CSMD1: variants seen among roughly 807,000 people sequenced by gnomAD.
CSMD1 encodes CUB and sushi domain-containing protein 1.
Under a neutral mutation model 417.5 loss-of-function variants are expected in CSMD1, and 213 were observed. The observed-to-expected ratio is 0.51, with a 90% confidence interval of 0.46 to 0.57. The LOEUF is 0.57. Among genes scored for constraint, CSMD1 ranks in the 20% least tolerant of loss-of-function variants. CSMD1 has a pLI of 0.00. For synonymous variants in CSMD1, 2,862 were observed against 1,736.8 expected (o/e 1.65, Z -16.11); for missense variants, 6,923 against 4,529.7 (o/e 1.53, Z -15.17).
chr8:3,256,521 G>C (rs892563940), intron 26 of CSMD1, among the ~76,000 whole-genome samples: 3 of 152,076 alleles, frequency 2.0e-5, no homozygotes. Flanking sequence ...TCTCCTTTAG[G>C]ATTTATTGCA....
intron 3 of CSMD1, among the ~76,000 whole-genome samples, chr8:4,208,161 A>T (rs1294828248): frequency 6.6e-6 from 1 of 152,172 alleles, no homozygotes; most frequent in Non-Finnish European, 1.5e-5. Flanking sequence ...CATATTGTGG[A>T]GGCTAAGGTG....
intron 10 of CSMD1, among the ~76,000 whole-genome samples, chr8:3,557,780 G>T (rs188647420): frequency 4.6e-5 from 7 of 152,250 alleles, no homozygotes; most frequent in Non-Finnish European, 8.8e-5. Flanking sequence ...GGTTTGCCTA[G>T]GACAGATAGA....
At chr8:3,003,544 G>A (rs995684138) in intron 52 of CSMD1, among the ~76,000 whole-genome samples, 1 of 152,152 alleles carries the variant, frequency 6.6e-6, no homozygotes, top group Non-Finnish European at 1.5e-5. Flanking sequence ...TGTCTCCTAT[G>A]TCACCTTCAT....
chr8:3,198,860 A>G (rs1796840418), intron 33 of CSMD1, among the ~76,000 whole-genome samples: 1 of 152,240 alleles, frequency 6.6e-6, no homozygotes, highest in Non-Finnish European at 1.5e-5. Flanking sequence ...TCTGAAGAAA[A>G]TACTTAACAG....
chr8:2,956,691 C>T (rs913895810), intron 63 of CSMD1, among the ~76,000 whole-genome samples: 4 of 152,096 alleles, frequency 2.6e-5, no homozygotes, highest in African/African-American at 9.6e-5. Flanking sequence ...CTCCTGACCT[C>T]GTGATCCACC....
chr8:4,292,096 A>C (rs564480031), intron 3 of CSMD1, among the ~76,000 whole-genome samples: 2 of 152,284 alleles, frequency 1.3e-5, no homozygotes, highest in South Asian at 4.1e-4. Flanking sequence ...TATACCAGGG[A>C]ACAGGAACAA....
At chr8:4,129,220 T>A (rs560565998) in intron 3 of CSMD1, among the ~76,000 whole-genome samples, 1 of 152,314 alleles carries the variant, frequency 6.6e-6, no homozygotes, top group South Asian at 2.1e-4. Flanking sequence ...ATTCAGCAGA[T>A]TCCTATCAAT....
At chr8:4,129,763 A>T (rs1802985098) in intron 3 of CSMD1, among the ~76,000 whole-genome samples, 1 of 151,970 alleles carries the variant, frequency 6.6e-6, no homozygotes. Flanking sequence ...CATCCTGGAA[A>T]ATTTCTTCAA....
chr8:4,354,402 T>TC (rs1801278250), intron 3 of CSMD1, among the ~76,000 whole-genome samples: 1 of 152,122 alleles, frequency 6.6e-6, no homozygotes, highest in South Asian at 2.1e-4. Flanking sequence ...AATACACCGT[T>TC]CCCCAACAGA....
chr8:3,547,086 C>CA (rs781112620), intron 10 of CSMD1, among the ~76,000 whole-genome samples: 44 of 152,256 alleles, frequency 2.9e-4, no homozygotes, highest in Admixed American at 1.3e-3. Flanking sequence ...ACAGCAGGAC[C>CA]AATAACGTGG....
intron 10 of CSMD1, among the ~76,000 whole-genome samples, chr8:3,504,927 C>T (rs531485240): frequency 2.0e-4 from 30 of 151,736 alleles, no homozygotes; most frequent in Non-Finnish European, 2.9e-5. Context: ...GTGAAATGGG[C>T]AGAGATAGAA....
chr8:4,894,533 C>G (rs929417865), intron 1 of CSMD1, among the ~76,000 whole-genome samples: 1 of 139,006 alleles, frequency 7.2e-6, no homozygotes, highest in Non-Finnish European at 1.5e-5. Context: ...AGCCTGGGGA[C>G]AACAGCGAGA....
chr8:4,615,530 G>C lies in CSMD1; in HGVS notation c.302+21812C>G, dbSNP rs1013723583. On this transcript the variant is annotated intron_variant, in intron 2 of 69. Coordinates refer to ENST00000635120, the MANE Select transcript of CSMD1 (RefSeq NM_033225.6). ...CTAATTTTAAAGTAGGAAAAATATTGCATATTTAGCAAATGTGTGAGGGCC... is the reference window on the plus strand; with the variant it reads ...CTAATTTTAAAGTAGGAAAAATATTCCATATTTAGCAAATGTGTGAGGGCC... 2.0e-5 allele frequency among the ~76,000 whole-genome samples: 3 copies of C among 152,084 alleles called. 1 individual carries two copies. Among genetic ancestry groups the C allele is most frequent in the Non-Finnish European group, 4.4e-5 (3 of 68,030 alleles).
At position 3,619,011 on chromosome 8, in the gene CSMD1, T is replaced by C. The variant is rs1042193722; in HGVS notation, c.1010-2214A>G. On this transcript the variant is annotated intron_variant, in intron 7 of 69. Transcript: ENST00000635120. ...AATTGGGATCTCTGGCTAGCAGCCA[T>C]GAAAGGCTGTGACAAGCACTGCTGT... Among the ~76,000 whole-genome samples, 5 of 152,194 alleles carry C rather than the reference T, an allele frequency of 3.3e-5. No individual in the cohort carries two copies. In the South Asian group the frequency reaches 8.3e-4, roughly 25 times the overall value.
intron 10 of CSMD1, among the ~76,000 whole-genome samples, chr8:3,508,409 T>A (rs1049216086): frequency 3.3e-5 from 5 of 151,618 alleles, no homozygotes; most frequent in African/African-American, 1.2e-4. Context: ...CTAATGTAAG[T>A]GACGAGTTAA....
chr8:3,278,956 T>C (rs908794589), intron 26 of CSMD1: 2 of 152,222 alleles, frequency 1.3e-5, no homozygotes, highest in East Asian at 1.9e-4. Flanking sequence ...TGAGGGGTTA[T>C]AGGAACCTTC....
chr8:4,438,048 A>G (rs906135466), intron 2 of CSMD1, among the ~76,000 whole-genome samples: 1 of 152,178 alleles, frequency 6.6e-6, no homozygotes, highest in African/African-American at 2.4e-5. Flanking sequence ...CCTCTTAGCT[A>G]TGAAGGAACA....
intron 20 of CSMD1, among the ~76,000 whole-genome samples, chr8:3,362,690 T>G (rs1809275837): frequency 6.6e-6 from 1 of 152,200 alleles, no homozygotes; most frequent in Non-Finnish European, 1.5e-5. Context: ...AGGTCTGTAT[T>G]TTCTTCCCAA....
chr8:4,963,749 G>A (rs1054599144), intron 1 of CSMD1, among the ~76,000 whole-genome samples: 6 of 152,022 alleles, frequency 3.9e-5, no homozygotes, highest in East Asian at 1.9e-4. Flanking sequence ...AGTTTTCTTG[G>A]TCACTTAACA....
Sources: allele counts gnomAD v4.1 joint callset (sites outside exome capture counted in the v4.1 genomes callset), GRCh38; gene constraint gnomAD v4.1.1; transcripts MANE v1.5; gene names NCBI Gene and HGNC (gene_info 2026-07-23, HGNC 2026-07-21).